The following RGS6 variants were observed in gnomAD, a reference collection of about 807,000 sequenced individuals.
RGS6 encodes regulator of G-protein signaling 6.
Under a neutral mutation model 78.5 loss-of-function variants are expected in RGS6, and 30 were observed. That is an observed-to-expected ratio of 0.38 (90% confidence interval 0.29 to 0.52). The LOEUF (loss-of-function observed/expected upper bound fraction) is 0.52. RGS6 is among the 20% of genes least tolerant of loss of function. The pLI is 0.85. For synonymous variants in RGS6, 206 were observed against 206.0 expected, an observed-to-expected ratio of 1.00 and a Z score of 0.00; for missense variants, 495 against 609.7, an observed-to-expected ratio of 0.81 and a Z score of 1.98.
At chr14:72,182,416 CAAAA>C (rs34656799) in intron 2 of RGS6, among the ~76,000 whole-genome samples, 8 of 106,366 alleles carry the variant, frequency 7.5e-5, no homozygotes, top group Admixed American at 3.0e-4. Flanking sequence ...GACTCCATCT[CAAAA>C]AAAAAAAAAA....
chr14:72,053,450 G>T (rs566183175), intron 2 of RGS6, among the ~76,000 whole-genome samples: 5 of 152,048 alleles, frequency 3.3e-5, no homozygotes, highest in Non-Finnish European at 5.9e-5. Flanking sequence ...GTTGTTCAGG[G>T]GTCTCTTGCA....
At chr14:72,081,489 T>C (rs1180083828) in intron 2 of RGS6, among the ~76,000 whole-genome samples, 2 of 152,150 alleles carry the variant, frequency 1.3e-5, no homozygotes, top group Non-Finnish European at 2.9e-5. Flanking sequence ...GTATTTCTGC[T>C]GTTCTGGTCT....
chr14:72,032,985 T>C (rs1042863002), intron 2 of RGS6, among the ~76,000 whole-genome samples: 6 of 152,190 alleles, frequency 3.9e-5, no homozygotes, highest in Admixed American at 6.5e-5. Context: ...GACTTACAGT[T>C]ACGTCCTGAT....
At chr14:72,202,273 T>C (rs1380640017) in intron 2 of RGS6, among the ~76,000 whole-genome samples, 1 of 152,174 alleles carries the variant, frequency 6.6e-6, no homozygotes, top group Non-Finnish European at 1.5e-5. Flanking sequence ...TCAACCCTAC[T>C]GCACAGTTAG....
rs532848760 is a variant in RGS6 at position 72,347,794 on chromosome 14, A to G, written c.85-4301A>G. The stretch of plus-strand genomic sequence containing the variant: ...TGTTCTGTATTTTTAATCAACTACT[A>G]AGGCCATAGAGAACAAAGAGTTACC... On this transcript the variant is annotated intron_variant, in intron 2 of 17. Coordinates refer to ENST00000553525, the MANE Select transcript of RGS6 (RefSeq NM_001204424.2). Among the ~76,000 whole-genome samples, 5 of 152,300 alleles carry G rather than the reference A, an allele frequency of 3.3e-5. No individual in the cohort carries two copies. The South Asian group carries it at 8.3e-4, about 25-fold the overall frequency.
At chr14:72,319,909 A>G (rs1054160943) in intron 2 of RGS6, among the ~76,000 whole-genome samples, 2 of 152,254 alleles carry the variant, frequency 1.3e-5, no homozygotes, top group African/African-American at 4.8e-5. Context: ...GTAACTTTCA[A>G]TAAATAAAAG....
the RGS6 span, among the ~76,000 whole-genome samples, chr14:72,572,693 G>C: frequency 6.6e-6 from 1 of 152,314 alleles, no homozygotes; most frequent in Non-Finnish European, 1.5e-5. Flanking sequence ...GAGTTTCTTT[G>C]AGGAGTGATG....
Position 72,540,984 on chromosome 14 carries a change from TCTC to T in RGS6, c.1422+894_1422+896del, listed in dbSNP as rs896353098. ...TGGTTTGTAGAACAACACAGGCCAA[TCTC>T]CTCTTTCCATGCTGGTCGGCCCAAG... On this transcript the variant is annotated intron_variant, in intron 17 of 17. Transcript: ENST00000553525. 23 of 1,270,146 alleles carry T rather than the reference TCTC, an allele frequency of 1.8e-5. No homozygotes were observed. The African/African-American group carries it at 2.9e-4, about 16-fold the overall frequency. The allele number at this position is 1,270,146 out of a possible 1,614,324, so 78.7% of individuals were successfully genotyped here.
At chr14:72,081,598 T>C (rs1351453089) in intron 2 of RGS6, among the ~76,000 whole-genome samples, 3 of 152,104 alleles carry the variant, frequency 2.0e-5, no homozygotes, top group Non-Finnish European at 2.9e-5. Context: ...AGACTAATTA[T>C]TTTCCCTTTT....
chr14:72,387,869 A>C (rs942713162), intron 3 of RGS6, among the ~76,000 whole-genome samples: 1 of 152,108 alleles, frequency 6.6e-6, no homozygotes, highest in Non-Finnish European at 1.5e-5. Flanking sequence ...GTTTCTTCGG[A>C]GACTTCTCTC....
chr14:72,414,171 C>G (rs1409259459), intron 3 of RGS6, among the ~76,000 whole-genome samples: 1 of 152,210 alleles, frequency 6.6e-6, no homozygotes, highest in Non-Finnish European at 1.5e-5. Flanking sequence ...TGTTTTCCAA[C>G]TTGGTTCCAT....
chr14:72,277,373 G>A (rs568478935), intron 2 of RGS6, among the ~76,000 whole-genome samples: 3 of 151,252 alleles, frequency 2.0e-5, no homozygotes, highest in South Asian at 2.1e-4. Flanking sequence ...CGAAGCGGGC[G>A]GATCATGAGG....
the RGS6 span, among the ~76,000 whole-genome samples, chr14:71,902,570 C>T: frequency 1.3e-5 from 2 of 151,816 alleles, no homozygotes; most frequent in African/African-American, 4.8e-5. Context: ...TGTTTGGAAA[C>T]GTAAGATTCA....
intron 13 of RGS6, 75 bp downstream of exon 13, chr14:72,495,337 T>C: frequency 1.0e-6 from 1 of 966,430 alleles, no homozygotes; most frequent in South Asian, 1.3e-5. Flanking sequence ...TTACCTTATA[T>C]TCTATCTTAA....
At chr14:72,560,192 T>C (rs1457483495) in intron 17 of RGS6, among the ~76,000 whole-genome samples, 1 of 152,044 alleles carries the variant, frequency 6.6e-6, no homozygotes, top group Non-Finnish European at 1.5e-5. Context: ...GGGTACATAA[T>C]GTGTGATTTG....
chr14:71,982,061 C>A (rs532479440), intron 2 of RGS6, among the ~76,000 whole-genome samples: 15 of 150,056 alleles, frequency 1.0e-4, no homozygotes, highest in African/African-American at 3.4e-4. Context: ...AGGTGCCCTC[C>A]GTCACCCCTT....
chr14:72,038,069 A>G (rs1183921015), intron 2 of RGS6, among the ~76,000 whole-genome samples: 2 of 151,834 alleles, frequency 1.3e-5, no homozygotes, highest in East Asian at 3.8e-4. Context: ...TCCCAGGTTC[A>G]AGCTATTCTC....
At chr14:71,887,655 A>G in the RGS6 span, among the ~76,000 whole-genome samples, 1 of 152,188 alleles carries the variant, frequency 6.6e-6, no homozygotes, top group Non-Finnish European at 1.5e-5. Flanking sequence ...CCGCCCTGGT[A>G]AATTTGTGGT....
intron 1 of RGS6, among the ~76,000 whole-genome samples, chr14:71,945,151 C>G (rs2091321487): frequency 6.6e-6 from 1 of 152,164 alleles, no homozygotes; most frequent in Admixed American, 6.5e-5. Flanking sequence ...TCAGACCACC[C>G]TAGCTAAAAT....
Sources: allele counts gnomAD v4.1 joint callset (sites outside exome capture counted in the v4.1 genomes callset), GRCh38; gene constraint gnomAD v4.1.1; transcripts MANE v1.5; gene names NCBI Gene and HGNC (gene_info 2026-07-23, HGNC 2026-07-21).